The following DGKB variants were observed in gnomAD, a reference collection of about 807,000 sequenced individuals.
DGKB encodes the protein diacylglycerol kinase beta.
In DGKB, 67 loss-of-function variants were observed where a neutral mutation model predicts 114.3. The observed-to-expected ratio is 0.59, with a 90% confidence interval of 0.48 to 0.72. The LOEUF (loss-of-function observed/expected upper bound fraction) is 0.72, where lower values mean the gene tolerates loss of function less well. DGKB is among the 30% of genes least tolerant of loss of function. The pLI, the probability that DGKB is intolerant of heterozygous loss-of-function variation, is 0.00. For missense variants in DGKB, 907 were observed against 975.2 expected (o/e 0.93, Z 0.93); for synonymous variants, 398 against 323.1 (o/e 1.23, Z -2.49).
intron 23 of DGKB, among the ~76,000 whole-genome samples, chr7:14,246,802 TTGTGTG>T: frequency 6.6e-6 from 1 of 151,886 alleles, no homozygotes; most frequent in South Asian, 2.1e-4. Flanking sequence ...TTGTTACCTT[TTGTGTG>T]TGTGTGTGTT....
intron 23 of DGKB, among the ~76,000 whole-genome samples, chr7:14,313,886 G>C (rs1585078460): frequency 6.6e-6 from 1 of 152,340 alleles, no homozygotes; most frequent in African/African-American, 2.4e-5. Flanking sequence ...GCCCCTGTCT[G>C]ACAGCTTTGA....
chr7:14,693,449 A>G (rs1278872498), intron 9 of DGKB, among the ~76,000 whole-genome samples: 2 of 151,958 alleles, frequency 1.3e-5, no homozygotes, highest in Non-Finnish European at 2.9e-5. Flanking sequence ...TCACAATGGT[A>G]TTTAATTGCA....
intron 23 of DGKB, among the ~76,000 whole-genome samples, chr7:14,261,456 T>C (rs892643108): frequency 3.3e-5 from 5 of 152,136 alleles, no homozygotes; most frequent in Non-Finnish European, 7.4e-5. Flanking sequence ...TCATATACTG[T>C]ACAGTGAAGG....
In DGKB at chr7:14,181,223, C is replaced by G. The variant is rs796857794; in HGVS notation, c.2123-3072G>C. On this transcript the variant is annotated intron_variant, in intron 23 of 25. Coordinates refer to ENST00000402815, the MANE Select transcript of DGKB (RefSeq NM_001350709.2). ...AGTAGAGACCATATGGTCGACAAAG[C>G]TGAAAATATTTACTATGTGGACCTT... 9.9e-5 allele frequency among the ~76,000 whole-genome samples: 15 copies of G among 152,254 alleles called. No homozygotes were observed. In the East Asian group the frequency reaches 1.7e-3, roughly 18 times the overall value.
At chr7:14,260,107 TGAACACACAC>T (rs1796545923) in intron 23 of DGKB, among the ~76,000 whole-genome samples, 1 of 30,604 alleles carries the variant, frequency 3.3e-5, no homozygotes, top group African/African-American at 2.1e-4. Context: ...CACACACACA[TGAACACACAC>T]ACACACACAC....
chr7:14,214,495 T>C (rs75344894), intron 23 of DGKB, among the ~76,000 whole-genome samples: 9,262 of 152,156 alleles, frequency 0.061, 905 homozygotes, highest in African/African-American at 0.21. Flanking sequence ...AGAAAATATA[T>C]GTAAATATTA....
intron 20 of DGKB, among the ~76,000 whole-genome samples, chr7:14,553,972 A>G (rs1054530689): frequency 3.6e-5 from 5 of 140,682 alleles, no homozygotes; most frequent in African/African-American, 5.3e-5. Context: ...TCCCGGGTTC[A>G]CGCCATTCTC....
At chr7:14,656,732 A>G (rs36160650) in intron 13 of DGKB, among the ~76,000 whole-genome samples, 1 of 130,618 alleles carries the variant, frequency 7.7e-6, no homozygotes, top group African/African-American at 3.0e-5. Context: ...GGATATATAT[A>G]CAGTATATAT....
intron 4 of DGKB, among the ~76,000 whole-genome samples, chr7:14,745,093 G>C (rs1833081526): frequency 6.6e-6 from 1 of 152,132 alleles, no homozygotes; most frequent in South Asian, 2.1e-4. Flanking sequence ...ATCTTAGCAG[G>C]CATAATTATA....
At chr7:14,773,969 T>TTTGCAAA (rs1837790413) in intron 2 of DGKB, among the ~76,000 whole-genome samples, 1 of 152,158 alleles carries the variant, frequency 6.6e-6, no homozygotes, top group Admixed American at 6.6e-5. Context: ...GGGTGTGGCT[T>TTTGCAAA]TTGCAAATGG....
intron 25 of DGKB, among the ~76,000 whole-genome samples, chr7:14,169,280 G>A (rs1206370120): frequency 6.6e-6 from 1 of 150,952 alleles, no homozygotes; most frequent in Non-Finnish European, 1.5e-5. Context: ...CAGGAGAATG[G>A]CGTGAACCCG....
At chr7:14,816,650 A>C (rs1468472525) in intron 2 of DGKB, 2 of 152,324 alleles carry the variant, frequency 1.3e-5, no homozygotes, top group East Asian at 3.9e-4. Flanking sequence ...TAGCAAAAAC[A>C]ATACTATCTC....
intron 2 of DGKB, among the ~76,000 whole-genome samples, chr7:14,825,016 G>GTATGTA (rs1554292318): frequency 6.5e-5 from 6 of 92,412 alleles, no homozygotes; most frequent in South Asian, 4.0e-4. Context: ...GTATGTGTAT[G>GTATGTA]TATATATATA....
rs1200675190 is a variant in DGKB at position 14,695,498 on chromosome 7, T to TA, written c.592-1305_592-1304insT. ...TTCATTTCTCTCTCTCTCTCTCTTTTTTTTTTTTTTTTTTTTTTTGAGATG... is the reference window on the plus strand; with the variant it reads ...TTCATTTCTCTCTCTCTCTCTCTTTTATTTTTTTTTTTTTTTTTTTGAGATG... On this transcript the variant is annotated intron_variant, in intron 8 of 25. Coordinates refer to ENST00000402815, the MANE Select transcript of DGKB (RefSeq NM_001350709.2). Among the ~76,000 whole-genome samples, 843 of 117,772 alleles carry TA rather than the reference T, an allele frequency of 7.2e-3. 11 individuals are homozygous for TA. Among genetic ancestry groups the TA allele is most frequent in the African/African-American group, 0.026 (784 of 29,642 alleles). The allele number at this position is 117,772 out of a possible 152,430, so 77.3% of individuals were successfully genotyped here.
chr7:14,175,987 T>C lies in DGKB; in HGVS notation c.2304+852A>G, dbSNP rs573728140. ...GCCCAGCTAAGTTTTTTTTTTATTT[T>C]TTTTAATTTTATACTAAGCTTTTGG... On this transcript the variant is annotated intron_variant, in intron 25 of 25. Coordinates refer to ENST00000402815, the MANE Select transcript of DGKB (RefSeq NM_001350709.2). The C allele has an allele frequency of 3.9e-5, 6 of 152,214 alleles. No homozygotes were observed. The East Asian group carries it at 9.7e-4, about 25-fold the overall frequency. The allele number at this position is 152,214 out of a possible 1,614,324, so 9.4% of individuals were successfully genotyped here.
At chr7:14,914,321 T>C (rs77333703) in intron 1 of DGKB, among the ~76,000 whole-genome samples, 1 of 152,074 alleles carries the variant, frequency 6.6e-6, no homozygotes, top group Non-Finnish European at 1.5e-5. Flanking sequence ...GATTTAATCA[T>C]AAGATTATAG....
intron 23 of DGKB, among the ~76,000 whole-genome samples, chr7:14,251,282 A>G (rs575569299): frequency 6.6e-6 from 1 of 152,088 alleles, no homozygotes; most frequent in South Asian, 2.1e-4. Context: ...TCTTTTGTGT[A>G]TCTACTACAG....
At chr7:14,368,699 A>AG (rs973857898) in intron 21 of DGKB, among the ~76,000 whole-genome samples, 2 of 152,104 alleles carry the variant, frequency 1.3e-5, no homozygotes, top group African/African-American at 2.4e-5. Context: ...TGGGAGAGAG[A>AG]GAAAAAAAGC....
At chr7:14,905,243 A>AGTT (rs1554341616), upstream of DGKB, among the ~76,000 whole-genome samples, 1 of 37,372 alleles carries the variant, frequency 2.7e-5, no homozygotes, top group Non-Finnish European at 5.7e-5. Flanking sequence ...CCATCTTGTT[A>AGTT]GTTTTTTTTT....
Sources: gnomAD v4.1 joint callset for allele counts (sites outside exome capture counted in the v4.1 genomes callset) on GRCh38, gnomAD v4.1.1 for gene constraint, MANE v1.5 for transcripts, NCBI Gene and HGNC (gene_info 2026-07-23, HGNC 2026-07-21) for gene names.